The following KRT73 variants were observed in gnomAD, a reference collection of about 807,000 sequenced individuals.
The protein encoded by KRT73 is keratin 73.
Under a neutral mutation model 47.2 loss-of-function variants are expected in KRT73, and 44 were observed. The observed-to-expected ratio is 0.93, with a 90% CI of 0.73 to 1.20. The LOEUF (loss-of-function observed/expected upper bound fraction) is 1.20, where lower values mean the gene tolerates loss of function less well. Ranked by LOEUF, KRT73 falls within the 50% of genes most tolerant of loss-of-function variation. KRT73 has a pLI of 0.00. For synonymous variants in KRT73, 285 were observed against 291.3 expected, an observed-to-expected ratio of 0.98 and a Z score of 0.22; for missense variants, 713 against 704.5, an observed-to-expected ratio of 1.01 and a Z score of -0.14.
upstream of KRT73, among the ~76,000 whole-genome samples, chr12:52,620,114 T>TC (rs1387488416): frequency 7.7e-5 from 11 of 143,118 alleles, no homozygotes; most frequent in South Asian, 4.6e-4. Flanking sequence ...TTTTTCTTTT[T>TC]TTTTTTTTTT....
At chr12:52,621,294 G>T (rs200433843), upstream of KRT73, among the ~76,000 whole-genome samples, 27 of 140,262 alleles carry the variant, frequency 1.9e-4, 1 homozygote, top group East Asian at 9.5e-4. Flanking sequence ...AAAGAAAGGG[G>T]GGGGGGGGGA....
At position 52,608,379 on chromosome 12, in the gene KRT73, G is replaced by T. The variant is rs114995859; in HGVS notation, c.1440C>A (p.Tyr480Ter). 2 of 1,613,014 alleles carry T rather than the reference G, an allele frequency of 1.2e-6. No individual in the cohort carries two copies. The highest frequency in any genetic ancestry group is 2.2e-5 in the East Asian group (1 of 44,880). The change falls in exon 9 of 9, where the codon TAC becomes TAA. Residue 480 changes from tyrosine (Y) to a stop codon, truncating the protein, a stop_gained. Coordinates refer to ENST00000305748, the MANE Select transcript of KRT73 (RefSeq NM_175068.3). LOFTEE classifies it low-confidence loss of function (END_TRUNC). ...AGFGFSNAGT[Y>*]GYWPSSVSGG... Reference sequence around the variant, plus strand: ...CGCTGACAGAGCTGGGCCAGTAGCCGTAGGTGCCAGCATTGCTGAATCCAA... The same window carrying T: ...CGCTGACAGAGCTGGGCCAGTAGCCTTAGGTGCCAGCATTGCTGAATCCAA...
chr12:52,615,200 C>A, intron 3 of KRT73, 79 bp downstream of exon 3: 1 of 1,283,036 alleles, frequency 7.8e-7, no homozygotes, highest in Non-Finnish European at 1.1e-6. Flanking sequence ...CTGCGGGGGG[C>A]TCAGACCTCA....
At chr12:52,619,314 CAAG>C (rs1248830066), upstream of KRT73, among the ~76,000 whole-genome samples, 1 of 152,248 alleles carries the variant, frequency 6.6e-6, no homozygotes, top group Non-Finnish European at 1.5e-5. Context: ...GCTCCTCACA[CAAG>C]AAGCTCATTT....
At position 52,609,149 on chromosome 12, in the gene KRT73, A is replaced by C. The variant is rs1940643445; in HGVS notation, c.1366+98T>G. 6 of 1,058,348 alleles carry C rather than the reference A, an allele frequency of 5.7e-6. No individual in the cohort carries two copies. In the Middle Eastern group the frequency reaches 1.0e-3, roughly 180 times the overall value. The allele number at this position is 1,058,348 out of a possible 1,614,324, so 65.6% of individuals were successfully genotyped here. ...ATGTGACCAAGTGGTCAACAGGCAG[A>C]GCCAAGCTCTTCCTCAGGGGGCTGG... On this transcript the variant is annotated intron_variant, in intron 8 of 8. Coordinates refer to ENST00000305748, the MANE Select transcript of KRT73 (RefSeq NM_175068.3).
Position 52,610,658 on chromosome 12 carries a change from C to T in KRT73, c.1288G>A (p.Glu430Lys). 4 of 1,613,656 alleles carry T rather than the reference C, an allele frequency of 2.5e-6. No homozygotes were observed. Among genetic ancestry groups the T allele is most frequent in the Non-Finnish European group, 3.4e-6 (4 of 1,179,910 alleles). The change falls in exon 7 of 9, where the codon GAG becomes AAG. Residue 430 changes from glutamate (E) to lysine (K), a missense_variant. Coordinates refer to ENST00000305748, the MANE Select transcript of KRT73 (RefSeq NM_175068.3). ...LLSVKLSLDI[E>K]IATYRKLLEG... ...AGCAGCTTGCGGTAGGTGGCGATCT[C>T]AATATCCAGGGACAGCTTCACGCTC...
At chr12:52,610,314 T>A (rs1254856351) in intron 7 of KRT73, 1 of 369,976 alleles carries the variant, frequency 2.7e-6, no homozygotes, top group East Asian at 6.4e-5. Flanking sequence ...TGACCTCAGG[T>A]GATCCACCCG....
chr12:52,627,958 T>C, the KRT73 span, among the ~76,000 whole-genome samples: 8,181 of 152,240 alleles, frequency 0.054, 742 homozygotes, highest in African/African-American at 0.19. Flanking sequence ...GATGGCAATC[T>C]GGGGGTAGTG....
rs7302968 is a variant in KRT73, at chr12:52,610,819, G to A, written c.1127C>T (p.Thr376Met). ...SVKKQCANLE[T>M]AIADAEQRGD... The stretch of plus-strand genomic sequence containing the variant: ...CCGCTGCTCGGCGTCAGCGATGGCC[G>A]TCTCCAGGTTGGCACACTGGGGTCA... Residue 376 changes from threonine to methionine, a missense_variant, in exon 7 of 9, where the codon ACG becomes ATG. Coordinates refer to ENST00000305748, the MANE Select transcript of KRT73 (RefSeq NM_175068.3). 0.15 allele frequency: 244,775 copies of A among 1,611,558 alleles called. 21,005 individuals carry two copies. The highest frequency in any genetic ancestry group is 0.18 in the Non-Finnish European group (208,727 of 1,179,418).
At chr12:52,621,791 AG>A (rs1221821192), upstream of KRT73, among the ~76,000 whole-genome samples, 1 of 152,156 alleles carries the variant, frequency 6.6e-6, no homozygotes, top group African/African-American at 2.4e-5. Context: ...CACACTCACC[AG>A]GCTATAATGA....
chr12:52,629,524 C>T, the KRT73 span, among the ~76,000 whole-genome samples: 2 of 152,202 alleles, frequency 1.3e-5, no homozygotes, highest in Non-Finnish European at 2.9e-5. Flanking sequence ...GGCCACACAG[C>T]CAATGCCTAC....
chr12:52,614,293 G>T, intron 4 of KRT73: 1 of 397,486 alleles, frequency 2.5e-6, no homozygotes. Flanking sequence ...CCCAGCCACA[G>T]AGAGAAGAGA....
chr12:52,615,504 T>A (rs1477905972), intron 2 of KRT73, among the ~76,000 whole-genome samples, 165 bp from the exon 3 acceptor site: 1 of 152,148 alleles, frequency 6.6e-6, no homozygotes, highest in Non-Finnish European at 1.5e-5. Flanking sequence ...TTGGCCAGAG[T>A]TGGAGGCCGG....
rs1375012615 is a variant in KRT73 at position 52,608,223 on chromosome 12, G to A, written c.1596C>T (p.Ser532=). The change falls in exon 9 of 9, where the codon AGC becomes AGT. Residue 532 remains serine (S), a synonymous_variant. Transcript: ENST00000305748. ...RDSQGKTLAL[S]SPTKKTMR ...ATCTCATGGTTTTTTTGGTGGGTGAGCTTAGAGCTAAGGTCTTTCCCTGGG... is the reference window on the plus strand; with the variant it reads ...ATCTCATGGTTTTTTTGGTGGGTGAACTTAGAGCTAAGGTCTTTCCCTGGG... 6.8e-6 allele frequency: 11 copies of A among 1,613,338 alleles called. No homozygotes were observed. Among genetic ancestry groups the A allele is most frequent in the Non-Finnish European group, 7.6e-6 (9 of 1,179,712 alleles).
rs1017188566 is a variant in KRT73, at chr12:52,615,394, G to T, written c.663-55C>A. 7.2e-6 allele frequency: 10 copies of T among 1,391,828 alleles called. No individual in the cohort carries two copies. In the African/African-American group the frequency reaches 8.5e-5, roughly 12 times the overall value. The allele number at this position is 1,391,828 out of a possible 1,614,324, so 86.2% of individuals were successfully genotyped here. A position where few individuals can be genotyped will look rare whatever the true frequency, so the allele number is the denominator to read the frequency against. Reference sequence around the variant, plus strand: ...TGTGTGTCTGTGTGTGTGTGTATACGTTCTCATAGTGAAATGAGAAAAGAG... The same window carrying T: ...TGTGTGTCTGTGTGTGTGTGTATACTTTCTCATAGTGAAATGAGAAAAGAG... On this transcript the variant is annotated intron_variant, in intron 2 of 8. Transcript: ENST00000305748.
At chr12:52,611,045 CAAA>C (rs1445451151) in intron 6 of KRT73, 156 bp downstream of exon 6, 17 of 1,053,916 alleles carry the variant, frequency 1.6e-5, no homozygotes, top group African/African-American at 4.8e-5. Context: ...GCAATTGTTC[CAAA>C]CTTCAGATGG....
intron 5 of KRT73, chr12:52,613,368 C>T (rs1358214975): frequency 1.3e-5 from 3 of 229,372 alleles, no homozygotes; most frequent in Non-Finnish European, 2.6e-5. Context: ...CATGTGGCTT[C>T]TCCCCTCCAG....
upstream of KRT73, among the ~76,000 whole-genome samples, chr12:52,618,835 C>T (rs949181031): frequency 6.6e-6 from 1 of 152,200 alleles, no homozygotes; most frequent in Non-Finnish European, 1.5e-5. Context: ...AGGTTTGTCG[C>T]AGTCTCAATT....
chr12:52,616,463 A>G, intron 1 of KRT73, 83 bp from the exon 2 acceptor site: 1 of 1,532,748 alleles, frequency 6.5e-7, no homozygotes, highest in East Asian at 2.3e-5. Flanking sequence ...GTGTTTTCTT[A>G]TGCTACATTA....
Sources: allele counts gnomAD v4.1 joint callset (sites outside exome capture counted in the v4.1 genomes callset), GRCh38; gene constraint gnomAD v4.1.1; transcripts MANE v1.5; gene names NCBI Gene and HGNC (gene_info 2026-07-23, HGNC 2026-07-21).